Variants in NBEA observed in about 807,000 individuals in gnomAD.
NBEA encodes the protein neurobeachin.
A neutral mutation model predicts 343.4 loss-of-function variants in NBEA; 44 were observed. The ratio of observed to expected loss-of-function variants is 0.13; its 90% CI spans 0.10 to 0.16. The LOEUF (loss-of-function observed/expected upper bound fraction) is 0.16, where lower values mean the gene tolerates loss of function less well. Among genes scored for constraint, NBEA ranks in the 10% least tolerant of loss-of-function variants. The pLI, the probability that NBEA is intolerant of heterozygous loss-of-function variation, is 1.00. For missense variants in NBEA, 2,555 were observed against 3,631.3 expected (o/e 0.70, Z 7.62); for synonymous variants, 1,175 against 1,238.7 (o/e 0.95, Z 1.08).
chr13:35,142,732 T>C (rs1287682625), intron 18 of NBEA, among the ~76,000 whole-genome samples: 1 of 152,142 alleles, frequency 6.6e-6, no homozygotes, highest in African/African-American at 2.4e-5. Flanking sequence ...ACTCTCTCTC[T>C]TTCTGCTTCT....
intron 41 of NBEA, among the ~76,000 whole-genome samples, chr13:35,544,791 A>C (rs932694418): frequency 6.6e-6 from 1 of 152,212 alleles, no homozygotes; most frequent in Non-Finnish European, 1.5e-5. Flanking sequence ...ACAAAGTTCC[A>C]TAAGATTTGG....
At chr13:35,416,427 C>T (rs2043913674) in intron 38 of NBEA, among the ~76,000 whole-genome samples, 1 of 152,134 alleles carries the variant, frequency 6.6e-6, no homozygotes, top group African/African-American at 2.4e-5. Flanking sequence ...CCATCAATAC[C>T]TACTTTAGTG....
rs540320524 is a variant in NBEA, at chr13:35,204,485, G to A, written c.5367-4215G>A. ...TCTCATGAGACTTATTCACTATCAC[G>A]AGAATAACACAGGAAAGACCGGCCC... On this transcript the variant is annotated intron_variant, in intron 31 of 58. Coordinates refer to ENST00000379939, the MANE Select transcript of NBEA (RefSeq NM_001385012.1). 3.3e-5 allele frequency among the ~76,000 whole-genome samples: 5 copies of A among 152,138 alleles called. No homozygotes were observed. The East Asian group carries it at 7.8e-4, about 24-fold the overall frequency.
chr13:35,101,220 G>C (rs1429232649), intron 11 of NBEA, among the ~76,000 whole-genome samples: 4 of 151,916 alleles, frequency 2.6e-5, no homozygotes, highest in Non-Finnish European at 5.9e-5. Context: ...TAGATACCTA[G>C]GAGTTAATTT....
At chr13:35,190,503 T>C (rs1226746176) in intron 30 of NBEA, among the ~76,000 whole-genome samples, 1 of 152,060 alleles carries the variant, frequency 6.6e-6, no homozygotes, top group East Asian at 1.9e-4. Flanking sequence ...GGTGGAACAT[T>C]TATTGGTTCA....
intron 48 of NBEA, among the ~76,000 whole-genome samples, chr13:35,619,100 A>C (rs1315004183): frequency 8.0e-5 from 12 of 150,540 alleles, no homozygotes. Flanking sequence ...AAATGTAAAA[A>C]TTTGCATTTG....
At position 35,253,508 on chromosome 13, in the gene NBEA, A is replaced by G. The variant is rs1366257326; in HGVS notation, c.5776+20889A>G. The stretch of plus-strand genomic sequence containing the variant: ...CTTGCTTTATCGTGATACTTGCTTC[A>G]TTACAGTGGTCTTGAACTGGACCTT... On this transcript the variant is annotated intron_variant, in intron 34 of 58. Coordinates refer to ENST00000379939, the MANE Select transcript of NBEA (RefSeq NM_001385012.1). Among the ~76,000 whole-genome samples, 3 of 152,218 alleles carry G rather than the reference A, an allele frequency of 2.0e-5. No individual in the cohort carries two copies. In the East Asian group the frequency reaches 5.8e-4, roughly 29 times the overall value.
At chr13:35,367,750 A>G (rs2041206336) in intron 38 of NBEA, among the ~76,000 whole-genome samples, 1 of 151,606 alleles carries the variant, frequency 6.6e-6, no homozygotes, top group South Asian at 2.1e-4. Context: ...TTTTGGATGA[A>G]GAAAGACTTT....
chr13:35,430,851 A>G (rs1306227948), intron 38 of NBEA, among the ~76,000 whole-genome samples: 1 of 152,114 alleles, frequency 6.6e-6, no homozygotes, highest in African/African-American at 2.4e-5. Context: ...GAGGTATACT[A>G]TTTATTACTA....
chr13:35,131,173 C>T (rs1380122727), intron 17 of NBEA, among the ~76,000 whole-genome samples: 2 of 151,938 alleles, frequency 1.3e-5, no homozygotes, highest in African/African-American at 2.4e-5. Context: ...GCCAAAAAGC[C>T]GTATTATTCA....
chr13:35,173,843 G>A (rs1052134158), intron 27 of NBEA, among the ~76,000 whole-genome samples: 7 of 151,966 alleles, frequency 4.6e-5, no homozygotes, highest in African/African-American at 1.7e-4. Flanking sequence ...ATTATAATTA[G>A]CACTAAAAAC....
rs539211379 is a variant in NBEA at position 35,509,699 on chromosome 13, T to C, written c.6585+37163T>C. On this transcript the variant is annotated intron_variant, in intron 41 of 58. Transcript: ENST00000379939. ...TTGTTTGCAAATGGCATTTAAAGAATAGATAGAGAGTTAGTGGGAAAAAAT... is the reference window on the plus strand; with the variant it reads ...TTGTTTGCAAATGGCATTTAAAGAACAGATAGAGAGTTAGTGGGAAAAAAT... 2.3e-4 allele frequency among the ~76,000 whole-genome samples: 35 copies of C among 152,110 alleles called. No individual in the cohort carries two copies. In the East Asian group the frequency reaches 3.5e-3, roughly 15 times the overall value.
At chr13:35,352,357 C>T in intron 38 of NBEA, 34 bp downstream of exon 38, 1 of 1,244,412 alleles carries the variant, frequency 8.0e-7, no homozygotes, top group Non-Finnish European at 1.1e-6. Context: ...AATAATAATT[C>T]ATAGGTTAAT....
chr13:35,234,250 A>G (rs754533471), intron 34 of NBEA, among the ~76,000 whole-genome samples: 4 of 152,282 alleles, frequency 2.6e-5, no homozygotes, highest in African/African-American at 4.8e-5. Context: ...CCACCTACAA[A>G]GTGAAGTATA....
At chr13:35,266,418 C>T (rs1421445122) in intron 34 of NBEA, among the ~76,000 whole-genome samples, 2 of 151,608 alleles carry the variant, frequency 1.3e-5, no homozygotes, top group African/African-American at 2.4e-5. Context: ...TTCACAGTAG[C>T]CGAGATGTGT....
At chr13:35,264,461 A>G (rs2152800288) in intron 34 of NBEA, among the ~76,000 whole-genome samples, 1 of 152,032 alleles carries the variant, frequency 6.6e-6, no homozygotes, top group Non-Finnish European at 1.5e-5. Context: ...AAACTGTAAT[A>G]CGATATCCCT....
intron 41 of NBEA, among the ~76,000 whole-genome samples, chr13:35,531,992 A>AC (rs1472071031): frequency 3.3e-5 from 5 of 152,294 alleles, no homozygotes; most frequent in Admixed American, 2.6e-4. Flanking sequence ...CTTGTACTGG[A>AC]CCTGAGATTC....
chr13:35,424,858 T>C lies in NBEA; in HGVS notation c.6180-7411T>C, dbSNP rs1317451035. On this transcript the variant is annotated intron_variant, in intron 38 of 58. Coordinates refer to ENST00000379939, the MANE Select transcript of NBEA (RefSeq NM_001385012.1). ...TTGTAGGTCTATTCAGAGATTCAAC[T>C]TCTTCCTGTTTTAGTCTTGGGAGGA... 2.0e-5 allele frequency among the ~76,000 whole-genome samples: 3 copies of C among 152,220 alleles called. No homozygotes were observed. In the East Asian group the frequency reaches 5.8e-4, roughly 29 times the overall value.
chr13:35,106,037 C>G (rs1443942645), intron 11 of NBEA, among the ~76,000 whole-genome samples: 2 of 151,966 alleles, frequency 1.3e-5, no homozygotes, highest in Non-Finnish European at 2.9e-5. Flanking sequence ...GGAGTGGATG[C>G]TATAACGCAA....
Sources: allele counts gnomAD v4.1 joint callset (sites outside exome capture counted in the v4.1 genomes callset), GRCh38; gene constraint gnomAD v4.1.1; transcripts MANE v1.5; gene names NCBI Gene and HGNC (gene_info 2026-07-23, HGNC 2026-07-21).